FOXP1: variants seen among roughly 807,000 people sequenced by gnomAD.
FOXP1 encodes the protein forkhead box protein P1.
In FOXP1, 15 loss-of-function variants were observed where a neutral mutation model predicts 98.2. The observed-to-expected ratio is 0.15, with a 90% CI of 0.10 to 0.24. The LOEUF is 0.24. FOXP1 is among the 10% of genes least tolerant of loss of function. The pLI, the probability that FOXP1 is intolerant of heterozygous loss-of-function variation, is 1.00. For synonymous variants in FOXP1, 371 were observed against 314.5 expected (o/e 1.18, Z -1.90); for missense variants, 633 against 848.5 (o/e 0.75, Z 3.15).
chr3:70,960,840 A>AT (rs2106895605), intron 20 of FOXP1, among the ~76,000 whole-genome samples: 2 of 142,902 alleles, frequency 1.4e-5, no homozygotes, highest in African/African-American at 5.8e-5. Context: ...TTAAAAAAAT[A>AT]ATTTTTTTTT....
chr3:71,036,629 A>G (rs1039573378), intron 11 of FOXP1, among the ~76,000 whole-genome samples: 1 of 152,226 alleles, frequency 6.6e-6, no homozygotes, highest in Non-Finnish European at 1.5e-5. Context: ...CACAGGATTT[A>G]TAAGGCAGGA....
At chr3:71,297,633 TCAGA>T (rs1560264353) in intron 5 of FOXP1, among the ~76,000 whole-genome samples, 1 of 150,108 alleles carries the variant, frequency 6.7e-6, no homozygotes, top group Non-Finnish European at 1.5e-5. Flanking sequence ...TTTTTTTTTT[TCAGA>T]CAGAGTCTCC....
intron 1 of FOXP1, 122 bp downstream of exon 1, chr3:71,583,449 C>CTCTTTT (rs2048353005): frequency 1.0e-6 from 1 of 958,126 alleles, no homozygotes; most frequent in African/African-American, 1.8e-5. Flanking sequence ...CATTTTTTTT[C>CTCTTTT]TCTTTTTCTT....
At chr3:71,535,367 C>T (rs1161029094) in intron 2 of FOXP1, among the ~76,000 whole-genome samples, 4 of 152,012 alleles carry the variant, frequency 2.6e-5, no homozygotes, top group Non-Finnish European at 5.9e-5. Context: ...AGCAGAGGGG[C>T]GAGTCTGCTG....
intron 3 of FOXP1, among the ~76,000 whole-genome samples, chr3:71,449,064 C>G (rs2086702732): frequency 1.3e-5 from 2 of 152,144 alleles, no homozygotes; most frequent in Non-Finnish European, 2.9e-5. Flanking sequence ...TTCGGGGAAA[C>G]TACATAGAAA....
chr3:71,405,467 A>C (rs2082250500), intron 3 of FOXP1, among the ~76,000 whole-genome samples: 1 of 152,228 alleles, frequency 6.6e-6, no homozygotes, highest in Non-Finnish European at 1.5e-5. Flanking sequence ...AGAAGTTCAC[A>C]GTATTACCAG....
chr3:71,335,492 A>C (rs1326668595), intron 4 of FOXP1, among the ~76,000 whole-genome samples: 1 of 152,192 alleles, frequency 6.6e-6, no homozygotes, highest in Non-Finnish European at 1.5e-5. Flanking sequence ...CAAAACTGTC[A>C]GCATGGAAGA....
intron 7 of FOXP1, among the ~76,000 whole-genome samples, chr3:71,056,438 T>G (rs1181121735): frequency 1.3e-5 from 2 of 152,180 alleles, no homozygotes; most frequent in Non-Finnish European, 2.9e-5. Context: ...ATAATGAACT[T>G]GAGTCTCCCC....
chr3:71,536,355 C>T (rs567419954), intron 2 of FOXP1, among the ~76,000 whole-genome samples: 1 of 152,238 alleles, frequency 6.6e-6, no homozygotes, highest in East Asian at 1.9e-4. Flanking sequence ...CATCCCCTAC[C>T]CAAATGCTCA....
chr3:70,983,989 G>A (rs2039315946), intron 14 of FOXP1, among the ~76,000 whole-genome samples: 1 of 152,088 alleles, frequency 6.6e-6, no homozygotes, highest in African/African-American at 2.4e-5. Context: ...TACTGAGTCT[G>A]GAACAAAAGA....
chr3:71,177,086 G>C (rs1227937893), intron 6 of FOXP1, among the ~76,000 whole-genome samples: 2 of 152,072 alleles, frequency 1.3e-5, no homozygotes, highest in Non-Finnish European at 2.9e-5. Context: ...ATGAAAAAAA[G>C]GAAGAAAGAA....
At chr3:71,537,622 C>T (rs948225740) in intron 2 of FOXP1, among the ~76,000 whole-genome samples, 1 of 152,170 alleles carries the variant, frequency 6.6e-6, no homozygotes, top group African/African-American at 2.4e-5. Context: ...CAAGGACCAG[C>T]CCTGGCAGCC....
chr3:71,497,908 C>T (rs1321558116), intron 2 of FOXP1, among the ~76,000 whole-genome samples: 1 of 152,072 alleles, frequency 6.6e-6, no homozygotes, highest in African/African-American at 2.4e-5. Flanking sequence ...AGAGAAAAGC[C>T]GAGAAGTGCT....
rs2081283577 is a variant in FOXP1, at chr3:71,395,043, T to G, written c.-167-35799A>C. ...TGAACCCAGGAGGCAGAGGTTGCGG[T>G]GAGCCAAGATCGCGCCACTGCACTC... On this transcript the variant is annotated intron_variant, in intron 3 of 20. Transcript: ENST00000649528. Among the ~76,000 whole-genome samples the G allele has an allele frequency of 3.0e-5, 4 of 132,338 alleles. No individual in the cohort carries two copies. The Admixed American group carries it at 3.9e-4, about 13-fold the overall frequency. 86.8% of individuals were successfully genotyped at this position (132,338 alleles called of 152,430 possible).
intron 2 of FOXP1, among the ~76,000 whole-genome samples, chr3:71,548,783 G>C (rs1018521682): frequency 6.6e-6 from 1 of 151,252 alleles, no homozygotes. Context: ...AAAGAAATGA[G>C]ATGAAGTCAA....
chr3:71,460,052 G>C (rs2087892840), intron 3 of FOXP1, among the ~76,000 whole-genome samples: 1 of 151,242 alleles, frequency 6.6e-6, no homozygotes, highest in Non-Finnish European at 1.5e-5. Context: ...TCCTGCCTGA[G>C]CCTCCCAAGT....
intron 3 of FOXP1, among the ~76,000 whole-genome samples, chr3:71,479,766 C>T (rs1433591195): frequency 6.6e-6 from 1 of 150,444 alleles, no homozygotes; most frequent in African/African-American, 2.4e-5. Context: ...GTAGACAGAA[C>T]AGAAAAATTA....
intron 12 of FOXP1, among the ~76,000 whole-genome samples, chr3:71,008,176 G>A (rs2043044105): frequency 6.6e-6 from 1 of 152,120 alleles, no homozygotes; most frequent in African/African-American, 2.4e-5. Context: ...GTGAAACTAT[G>A]GGCCTGCATT....
Position 71,130,683 on chromosome 3 carries a change from T to C in FOXP1, c.181-18046A>G, listed in dbSNP as rs774713140. 38 of 1,579,124 alleles carry C rather than the reference T, an allele frequency of 2.4e-5. No individual in the cohort carries two copies. The highest frequency in any genetic ancestry group is 4.5e-5 in the South Asian group (4 of 89,384). On this transcript the variant is annotated intron_variant, in intron 6 of 20. Transcript: ENST00000649528. ...CTCGAAGAGAAAACACACTGGAACA[T>C]TGCCCTTTGTAGGCAACCTCAGGGA...
Sources: gnomAD v4.1 joint callset for allele counts (sites outside exome capture counted in the v4.1 genomes callset) on GRCh38, gnomAD v4.1.1 for gene constraint, MANE v1.5 for transcripts, NCBI Gene and HGNC (gene_info 2026-07-23, HGNC 2026-07-21) for gene names.